Variants in SPIRE1 observed in about 807,000 individuals in gnomAD.
SPIRE1 encodes the protein spire type actin nucleation factor 1, also known as protein spire homolog 1.
In SPIRE1, 40 loss-of-function variants were observed where a neutral mutation model predicts 94.1. The observed-to-expected ratio is 0.43, with a 90% CI of 0.33 to 0.55. The LOEUF (loss-of-function observed/expected upper bound fraction) is 0.55, where lower values mean the gene tolerates loss of function less well. Among genes scored for constraint, SPIRE1 ranks in the 20% least tolerant of loss-of-function variants. SPIRE1 has a pLI of 0.06. For synonymous variants in SPIRE1, 376 were observed against 371.7 expected, an observed-to-expected ratio of 1.01 and a Z score of -0.13; for missense variants, 838 against 975.2, an observed-to-expected ratio of 0.86 and a Z score of 1.87.
chr18:12,551,439 C>G (rs1413429968), intron 2 of SPIRE1, among the ~76,000 whole-genome samples: 1 of 152,128 alleles, frequency 6.6e-6, no homozygotes, highest in Non-Finnish European at 1.5e-5. Context: ...CGGTGGCTCA[C>G]GCCTGTAATC....
At chr18:12,581,727 G>A (rs1261203155) in intron 2 of SPIRE1, among the ~76,000 whole-genome samples, 1 of 152,096 alleles carries the variant, frequency 6.6e-6, no homozygotes. Context: ...AGCCGGGCAT[G>A]GTGGCACACA....
chr18:12,535,742 G>A (rs535411673), intron 3 of SPIRE1, 141 bp from the exon 4 acceptor site: 9 of 636,254 alleles, frequency 1.4e-5, no homozygotes, highest in African/African-American at 9.2e-5. Flanking sequence ...AGATCATGAG[G>A]TCGAGAGTTC....
intron 2 of SPIRE1, among the ~76,000 whole-genome samples, chr18:12,598,473 AAC>A (rs902012736): frequency 4.6e-5 from 7 of 152,022 alleles, no homozygotes; most frequent in Non-Finnish European, 8.8e-5. Flanking sequence ...TTTCCCTAGT[AAC>A]AGTGAAACTT....
In SPIRE1 at chr18:12,561,268, A is replaced by ATTTT. The variant is rs34495303; in HGVS notation, c.373-14368_373-14365dup. ...ATATAAAACAAACTAGAATAGATCA[A>ATTTT]TTTTTTTTTTTTTTTTTTGAGACGG... On this transcript the variant is annotated intron_variant, in intron 2 of 16. Transcript: ENST00000409402. Among the ~76,000 whole-genome samples, 1,156 of 134,862 alleles carry ATTTT rather than the reference A, an allele frequency of 8.6e-3. 26 individuals are homozygous for ATTTT. Among genetic ancestry groups the ATTTT allele is most frequent in the African/African-American group, 0.029 (1,064 of 37,206 alleles). 88.5% of individuals were successfully genotyped at this position (134,862 alleles called of 152,430 possible).
intron 2 of SPIRE1, among the ~76,000 whole-genome samples, chr18:12,571,269 T>C (rs2035953680): frequency 6.6e-6 from 1 of 152,094 alleles, no homozygotes; most frequent in South Asian, 2.1e-4. Flanking sequence ...GAGATGAGGT[T>C]TCACTATGTT....
rs183066348 is a variant in SPIRE1, at chr18:12,545,872, A to G, written c.603+802T>C. Among the ~76,000 whole-genome samples, 817 of 152,338 alleles carry G rather than the reference A, an allele frequency of 5.4e-3. 6 individuals are homozygous for G. The highest frequency in any genetic ancestry group is 9.6e-3 in the Non-Finnish European group (652 of 68,032). On this transcript the variant is annotated intron_variant, in intron 3 of 16. Coordinates refer to ENST00000409402, the MANE Select transcript of SPIRE1 (RefSeq NM_001128626.2). ...TCAAGCTGATACATGACATGTAATG[A>G]TAAGGGGTATATAATATCTAAAAGC... is the stretch of plus-strand genomic sequence containing the variant.
At chr18:12,510,521 C>T (rs1417149897) in intron 5 of SPIRE1, among the ~76,000 whole-genome samples, 1 of 151,860 alleles carries the variant, frequency 6.6e-6, no homozygotes, top group East Asian at 1.9e-4. Context: ...TGTGCCTTCC[C>T]CCAATACCTG....
chr18:12,529,513 C>T (rs1182766065), intron 4 of SPIRE1, among the ~76,000 whole-genome samples: 1 of 152,010 alleles, frequency 6.6e-6, no homozygotes, highest in African/African-American at 2.4e-5. Context: ...TTATAAGAAG[C>T]GTTTAATATG....
chr18:12,610,239 C>T (rs145997333), intron 2 of SPIRE1, among the ~76,000 whole-genome samples: 10 of 152,186 alleles, frequency 6.6e-5, no homozygotes, highest in African/African-American at 2.4e-4. Flanking sequence ...TATGCCTGAC[C>T]CTTCCAATAT....
chr18:12,518,672 C>T (rs1187431723), intron 4 of SPIRE1, among the ~76,000 whole-genome samples: 6 of 151,804 alleles, frequency 4.0e-5, no homozygotes, highest in African/African-American at 1.4e-4. Flanking sequence ...GCATAGGTGA[C>T]AGAGCCTGAC....
chr18:12,650,849 C>A (rs1445179523), intron 1 of SPIRE1, among the ~76,000 whole-genome samples: 1 of 149,400 alleles, frequency 6.7e-6, no homozygotes, highest in Non-Finnish European at 1.5e-5. Context: ...TGCACTACAG[C>A]CTGGGTGACA....
At chr18:12,558,749 C>A (rs565626261) in intron 2 of SPIRE1, among the ~76,000 whole-genome samples, 1 of 152,138 alleles carries the variant, frequency 6.6e-6, no homozygotes, top group Admixed American at 6.5e-5. Context: ...ACTGGTGCAT[C>A]CACAAACCCG....
intron 12 of SPIRE1, among the ~76,000 whole-genome samples, chr18:12,455,823 G>T (rs986713375): frequency 3.3e-5 from 5 of 152,182 alleles, no homozygotes; most frequent in South Asian, 2.1e-4. Context: ...AATCCAACAC[G>T]CCAGTGAGAA....
In SPIRE1 at chr18:12,559,660, T is replaced by C. The variant is rs2035628303; in HGVS notation, c.373-12756A>G. On this transcript the variant is annotated intron_variant, in intron 2 of 16. Transcript: ENST00000409402. The surrounding 1 kb of genome is among the most constrained non-coding windows in gnomAD (Gnocchi z 4.7). The stretch of plus-strand genomic sequence containing the variant: ...CACCTCTCACTACTACAAGAAAACA[T>C]TGGGGAAACTCTCCAGGATGTTAGA... Among the ~76,000 whole-genome samples, 1 of 152,152 alleles carries C rather than the reference T, an allele frequency of 6.6e-6. No homozygotes were observed. Among genetic ancestry groups the C allele is most frequent in the South Asian group, 2.1e-4 (1 of 4,828 alleles).
intron 11 of SPIRE1, among the ~76,000 whole-genome samples, chr18:12,463,970 T>C (rs1272871454): frequency 1.3e-5 from 2 of 152,344 alleles, no homozygotes; most frequent in Non-Finnish European, 1.5e-5. Context: ...ACTGCTTTAG[T>C]GTCTGAACGG....
At chr18:12,459,922 T>G (rs2031706163) in intron 12 of SPIRE1, 1 of 985,642 alleles carries the variant, frequency 1.0e-6, no homozygotes. Context: ...CTGGTTATCC[T>G]AGGAACCTGA....
intron 3 of SPIRE1, among the ~76,000 whole-genome samples, chr18:12,543,704 C>T (rs1262960078): frequency 1.3e-5 from 2 of 152,172 alleles, no homozygotes; most frequent in Non-Finnish European, 2.9e-5. Flanking sequence ...CATTAAAGAG[C>T]GTCTTGCTTG....
At chr18:12,548,094 G>A (rs112383208) in intron 2 of SPIRE1, among the ~76,000 whole-genome samples, 1 of 152,158 alleles carries the variant, frequency 6.6e-6, no homozygotes, top group South Asian at 2.1e-4. Context: ...ATAAGATTCT[G>A]TTGAGACTAT....
chr18:12,648,961 G>GT (rs58316105), intron 1 of SPIRE1, among the ~76,000 whole-genome samples: 23,414 of 150,856 alleles, frequency 0.16, 2,007 homozygotes, highest in Admixed American at 0.23. Flanking sequence ...GAAGTCTGGA[G>GT]TTTAGTTAAT....
Sources: allele counts gnomAD v4.1 joint callset (sites outside exome capture counted in the v4.1 genomes callset), GRCh38; gene constraint gnomAD v4.1.1; non-coding constraint Gnocchi (gnomAD v3.1); transcripts MANE v1.5; gene names NCBI Gene and HGNC (gene_info 2026-07-23, HGNC 2026-07-21).